Variants in SLC1A7 observed in about 807,000 individuals in gnomAD.
The protein encoded by SLC1A7 is excitatory amino acid transporter 5.
SLC1A7 carries 40 observed loss-of-function variants against 47.7 expected under a neutral mutation model. That is an observed-to-expected ratio of 0.84 (90% CI 0.65 to 1.09). The LOEUF is 1.09. SLC1A7 is among the 50% of genes least tolerant of loss of function. The pLI is 0.00. For missense variants in SLC1A7, 746 were observed against 769.5 expected, an observed-to-expected ratio of 0.97 and a Z score of 0.36; for synonymous variants, 323 against 325.6, an observed-to-expected ratio of 0.99 and a Z score of 0.09.
intron 1 of SLC1A7, among the ~76,000 whole-genome samples, chr1:53,138,199 G>T (rs1471416528): frequency 6.6e-6 from 1 of 152,182 alleles, no homozygotes; most frequent in Non-Finnish European, 1.5e-5. Context: ...TTCCTTAGAT[G>T]AGGTTGGTTT....
At chr1:53,133,844 G>A (rs1174387608) in intron 2 of SLC1A7, among the ~76,000 whole-genome samples, 1 of 24,798 alleles carries the variant, frequency 4.0e-5, no homozygotes, top group African/African-American at 8.8e-5. Flanking sequence ...CCTCCTGAGT[G>A]CTCAGCATAC....
chr1:53,090,440 C>T, intron 8 of SLC1A7, 172 bp downstream of exon 8: 1 of 1,072,764 alleles, frequency 9.3e-7, no homozygotes, highest in Non-Finnish European at 1.3e-6. Context: ...ACCAGCAATG[C>T]CCTCCCTCCC....
At chr1:53,118,589 G>A (rs1644787319) in intron 2 of SLC1A7, 1 of 152,198 alleles carries the variant, frequency 6.6e-6, no homozygotes, top group African/African-American at 2.4e-5. Flanking sequence ...TTTTCTAGTG[G>A]TCACATTAAA....
chr1:53,093,022 G>C (rs17376904), intron 6 of SLC1A7, among the ~76,000 whole-genome samples: 1,940 of 152,292 alleles, frequency 0.013, 13 homozygotes, highest in South Asian at 0.036. Context: ...GCCTTCAGGA[G>C]GCCCCCATTT....
At chr1:53,136,054 A>C (rs112499172) in intron 1 of SLC1A7, among the ~76,000 whole-genome samples, 172 of 151,940 alleles carry the variant, frequency 1.1e-3, no homozygotes, top group African/African-American at 3.9e-3. Context: ...GACCCACCCA[A>C]TGTTAACCGC....
chr1:53,092,660 G>A lies in SLC1A7; in HGVS notation c.925C>T (p.Leu309Phe). ...AAGTAGAGCAGGGGCAGGATAAAGA[G>A]CCCGTGGAGCACCAGCCCGCACACC... ...TVVCGLVLHG[L>F]FILPLLYFFI... The change falls in exon 7 of 11, where the codon CTC (leucine) becomes TTC (phenylalanine). Residue 309 changes from leucine to phenylalanine, a missense_variant. Transcript: ENST00000371494. 1 of 1,614,068 alleles carries A rather than the reference G, an allele frequency of 6.2e-7. No homozygotes were observed.
At chr1:53,105,710 C>T (rs1644633453) in intron 4 of SLC1A7, 22 bp downstream of exon 4, 4 of 1,600,438 alleles carry the variant, frequency 2.5e-6, no homozygotes, top group East Asian at 2.2e-5. Context: ...CCCTCCCCTC[C>T]ACTGCCCAGA....
chr1:53,092,580 C>T lies in SLC1A7; in HGVS notation c.1005G>A (p.Leu335=), dbSNP rs1040259791. ...TGGAGGAGGTGGCCAGCGCGATGAGCAGAGCCTGCAGGATGCCACGGATGA... is the reference window on the plus strand; with the variant it reads ...TGGAGGAGGTGGCCAGCGCGATGAGTAGAGCCTGCAGGATGCCACGGATGA... The part of the protein sequence containing the change: ...IVFIRGILQA[L]LIALATSSSS... The change falls in exon 7 of 11, where the codon CTG becomes CTA. Residue 335 remains leucine, a synonymous_variant. Coordinates refer to ENST00000371494, the MANE Select transcript of SLC1A7 (RefSeq NM_006671.6). 3 of 1,614,082 alleles carry T rather than the reference C, an allele frequency of 1.9e-6. No homozygotes were observed. Among genetic ancestry groups the T allele is most frequent in the Non-Finnish European group, 2.5e-6 (3 of 1,179,940 alleles).
chr1:53,108,929 T>C (rs535325579), intron 3 of SLC1A7, among the ~76,000 whole-genome samples: 1 of 152,326 alleles, frequency 6.6e-6, no homozygotes, highest in Non-Finnish European at 1.5e-5. Flanking sequence ...TACCTTTGAT[T>C]ATTAAATGGG....
intron 2 of SLC1A7, among the ~76,000 whole-genome samples, chr1:53,132,659 A>C (rs934586459): frequency 2.0e-5 from 3 of 152,158 alleles, no homozygotes; most frequent in African/African-American, 7.2e-5. Context: ...CAGCCTGGGC[A>C]ACATGGTGAG....
chr1:53,089,049 C>T, intron 9 of SLC1A7, 70 bp from the exon 10 acceptor site: 1 of 1,159,390 alleles, frequency 8.6e-7, no homozygotes, highest in South Asian at 1.2e-5. Flanking sequence ...GTGCTCAACC[C>T]AGCACAGTAC....
At chr1:53,136,666 A>ATATATT (rs1232384266) in intron 1 of SLC1A7, among the ~76,000 whole-genome samples, 2 of 105,394 alleles carry the variant, frequency 1.9e-5, no homozygotes, top group African/African-American at 7.8e-5. Flanking sequence ...ATATATATAT[A>ATATATT]TTTTTTTTTT....
rs940642076 is a variant in SLC1A7, at chr1:53,090,816, G to A, written c.1032-10C>T. 1 of 1,603,966 alleles carries A rather than the reference G, an allele frequency of 6.2e-7. No homozygotes were observed. On this transcript the variant is annotated splice_polypyrimidine_tract_variant and intron_variant, in intron 7 of 10. Transcript: ENST00000371494. ...GGGCAGTGTGGCTGAGCTACGGTTA[G>A]AGGGGCCGGTGTCTGCCCAGCACCC... is the stretch of plus-strand genomic sequence containing the variant.
At chr1:53,089,664 G>A (rs1644397886) in intron 9 of SLC1A7, 136 bp downstream of exon 9, 1 of 858,212 alleles carries the variant, frequency 1.2e-6, no homozygotes, top group Non-Finnish European at 1.9e-6. Context: ...AATGAGTAGG[G>A]CACTCCCACA....
chr1:53,135,050 G>C (rs901730101), intron 1 of SLC1A7, among the ~76,000 whole-genome samples: 1 of 152,018 alleles, frequency 6.6e-6, no homozygotes, highest in African/African-American at 2.4e-5. Context: ...TCATTGGGGG[G>C]CTTAAACGGG....
rs151023625 is a variant in SLC1A7, at chr1:53,133,442, G to T, written c.215+908C>A. Among the ~76,000 whole-genome samples, 62 of 152,202 alleles carry T rather than the reference G, an allele frequency of 4.1e-4. 1 individual carries two copies. Among genetic ancestry groups the T allele is most frequent in the East Asian group, 1.7e-3 (9 of 5,174 alleles). On this transcript the variant is annotated intron_variant, in intron 2 of 10. Coordinates refer to ENST00000371494, the MANE Select transcript of SLC1A7 (RefSeq NM_006671.6). ...TGGGGATTATCTCCACTTCACAAAG[G>T]GGGGAGGTCCAAGGAGCTGGCTCAC...
At chr1:53,098,510 C>T (rs900490788) in intron 5 of SLC1A7, among the ~76,000 whole-genome samples, 9 of 149,280 alleles carry the variant, frequency 6.0e-5, no homozygotes, top group Non-Finnish European at 1.2e-4. Flanking sequence ...ACTCAAACTG[C>T]CTCAGAACAC....
chr1:53,114,254 C>G (rs1644730982), intron 3 of SLC1A7, among the ~76,000 whole-genome samples: 1 of 152,204 alleles, frequency 6.6e-6, no homozygotes, highest in South Asian at 2.1e-4. Flanking sequence ...GCAAGGTTAG[C>G]TGCACTGCTG....
At chr1:53,139,075 TC>T (rs1303586996) in intron 1 of SLC1A7, among the ~76,000 whole-genome samples, 1 of 152,210 alleles carries the variant, frequency 6.6e-6, no homozygotes, top group African/African-American at 2.4e-5. Flanking sequence ...ATTAGGAGCC[TC>T]CTCACATTTC....
Sources: gnomAD v4.1 joint callset for allele counts (sites outside exome capture counted in the v4.1 genomes callset) on GRCh38, gnomAD v4.1.1 for gene constraint, MANE v1.5 for transcripts, NCBI Gene and HGNC (gene_info 2026-07-23, HGNC 2026-07-21) for gene names.